Variants in NRG1 observed in about 807,000 individuals in gnomAD.
NRG1 encodes the protein pro-neuregulin-1, membrane-bound isoform.
NRG1 carries 18 observed loss-of-function variants against 63.8 expected under a neutral mutation model. The observed-to-expected ratio is 0.28, with a 90% CI of 0.19 to 0.42. NRG1 has a LOEUF of 0.42. Ranked by LOEUF, NRG1 falls within the 10% of genes least tolerant of loss-of-function variation. NRG1 has a pLI of 1.00. For synonymous variants in NRG1, 302 were observed against 301.3 expected, an observed-to-expected ratio of 1.00 and a Z score of -0.02; for missense variants, 762 against 814.7, an observed-to-expected ratio of 0.94 and a Z score of 0.79.
intron 1 of NRG1, among the ~76,000 whole-genome samples, chr8:32,561,016 TAG>T (rs1481302645): frequency 1.3e-5 from 2 of 152,174 alleles, no homozygotes; most frequent in African/African-American, 2.4e-5. Flanking sequence ...AGAAAAATCA[TAG>T]AGTGTTAGAA....
intron 1 of NRG1, among the ~76,000 whole-genome samples, chr8:31,918,794 T>C (rs1462004882): frequency 6.6e-6 from 1 of 151,918 alleles, no homozygotes; most frequent in Non-Finnish European, 1.5e-5. Context: ...TTCCTCCTTG[T>C]ACCTCTGGTA....
chr8:32,604,291 G>T (rs1036033951), intron 2 of NRG1, among the ~76,000 whole-genome samples: 2 of 152,110 alleles, frequency 1.3e-5, no homozygotes, highest in African/African-American at 4.8e-5. Flanking sequence ...GGAAGATCAG[G>T]GGGTCTACAT....
chr8:32,461,014 A>G (rs1013922766), intron 1 of NRG1, among the ~76,000 whole-genome samples: 1 of 152,190 alleles, frequency 6.6e-6, no homozygotes, highest in Admixed American at 6.5e-5. Context: ...GTGGGATGCA[A>G]GTTACTGAGA....
chr8:31,715,925 T>C (rs941265911), intron 1 of NRG1, among the ~76,000 whole-genome samples: 1 of 152,230 alleles, frequency 6.6e-6, no homozygotes, highest in Non-Finnish European at 1.5e-5. Context: ...GTCATATATA[T>C]TTAGAATTTT....
In NRG1 at chr8:32,693,608, A is replaced by G. The variant is rs541418391; in HGVS notation, c.503-34341A>G. Among the ~76,000 whole-genome samples the G allele has an allele frequency of 3.3e-5, 5 of 151,096 alleles. 1 individual carries two copies. The South Asian group carries it at 8.4e-4, about 25-fold the overall frequency. ...AGTGGCATAAAAGGCCCTGGCATGT[A>G]GAGTGTAGAACAGAGGCTCCTCCTT... On this transcript the variant is annotated intron_variant, in intron 5 of 11. Transcript: ENST00000356819.
chr8:32,573,549 A>G lies in NRG1; in HGVS notation c.101-22279A>G, dbSNP rs142790716. The stretch of plus-strand genomic sequence containing the variant: ...AATTTTTCTTTACCTGGCGTTGCTT[A>G]TGTTCTCCAGCCAGTTCTGTCTTTT... On this transcript the variant is annotated intron_variant, in intron 1 of 11. Coordinates refer to ENST00000356819, the Ensembl canonical transcript of NRG1. Among the ~76,000 whole-genome samples, 845 of 152,230 alleles carry G rather than the reference A, an allele frequency of 5.6e-3. 3 individuals carry two copies. Among genetic ancestry groups the G allele is most frequent in the Middle Eastern group, 0.027 (8 of 294 alleles).
intron 1 of NRG1, among the ~76,000 whole-genome samples, chr8:32,444,690 A>C (rs192416912): frequency 6.4e-4 from 98 of 152,318 alleles, no homozygotes; most frequent in African/African-American, 2.1e-3. Context: ...TCAATGCCAC[A>C]ATGAGGAACA....
chr8:32,592,549 A>G (rs909357063), intron 1 of NRG1, among the ~76,000 whole-genome samples: 1 of 152,164 alleles, frequency 6.6e-6, no homozygotes, highest in African/African-American at 2.4e-5. Flanking sequence ...CATGTTTGAA[A>G]TCAAAACCCC....
chr8:32,671,086 T>G (rs984048836), intron 5 of NRG1, among the ~76,000 whole-genome samples: 1 of 151,770 alleles, frequency 6.6e-6, no homozygotes, highest in Admixed American at 6.6e-5. Context: ...ATTATTATTC[T>G]TTTTCTCAAG....
chr8:32,473,646 A>C (rs1477318837), intron 1 of NRG1, among the ~76,000 whole-genome samples: 1 of 152,158 alleles, frequency 6.6e-6, no homozygotes, highest in Non-Finnish European at 1.5e-5. Context: ...GACTTAAATC[A>C]ACCCTGGGCT....
intron 1 of NRG1, among the ~76,000 whole-genome samples, chr8:32,435,091 G>A (rs773819604): frequency 8.5e-5 from 13 of 152,138 alleles, no homozygotes; most frequent in Non-Finnish European, 1.8e-4. Context: ...CTATGGTTTA[G>A]TCTAATTGTT....
At chr8:32,550,621 A>T (rs149877443) in intron 1 of NRG1, among the ~76,000 whole-genome samples, 1 of 152,292 alleles carries the variant, frequency 6.6e-6, no homozygotes, top group African/African-American at 2.4e-5. Flanking sequence ...TAACACAGCA[A>T]CTTGACAAGT....
intron 1 of NRG1, among the ~76,000 whole-genome samples, chr8:32,193,234 G>A (rs1842660199): frequency 6.6e-6 from 1 of 152,094 alleles, no homozygotes; most frequent in Non-Finnish European, 1.5e-5. Context: ...AGTGAACACA[G>A]TGCAGCAGTA....
At position 32,640,279 on chromosome 8, in the gene NRG1, G is replaced by GCACA. The variant is rs531313703; in HGVS notation, c.502+23400_502+23403dup. 1.0e-3 allele frequency among the ~76,000 whole-genome samples: 84 copies of GCACA among 81,394 alleles called. 1 individual carries two copies. In the South Asian group the frequency reaches 0.015, roughly 14 times the overall value. The allele number at this position is 81,394 out of a possible 152,430, so 53.4% of individuals were successfully genotyped here. ...CACACACACACACACACACACGCAC[G>GCACA]CACACACACCACACAGTAATTTAAC... On this transcript the variant is annotated intron_variant, in intron 5 of 11. Coordinates refer to ENST00000356819, the Ensembl canonical transcript of NRG1.
intron 7 of NRG1, 89 bp from the exon 8 acceptor site, chr8:32,754,283 A>G (rs1319328679): frequency 2.5e-5 from 26 of 1,051,454 alleles, no homozygotes; most frequent in East Asian, 2.4e-4. Flanking sequence ...AACATGGACA[A>G]TGTCATGCAG....
intron 1 of NRG1, among the ~76,000 whole-genome samples, chr8:32,044,998 A>G (rs986664599): frequency 2.0e-5 from 3 of 151,442 alleles, no homozygotes; most frequent in African/African-American, 7.3e-5. Flanking sequence ...CTGAAATCAG[A>G]AAAACAGTAG....
chr8:32,571,674 CT>C (rs1299522521), intron 1 of NRG1, among the ~76,000 whole-genome samples: 1 of 152,166 alleles, frequency 6.6e-6, no homozygotes, highest in Non-Finnish European at 1.5e-5. Flanking sequence ...CTCCATTCCT[CT>C]TGCCATTACT....
At chr8:32,607,030 T>G (rs979793651) in intron 3 of NRG1, among the ~76,000 whole-genome samples, 4 of 152,178 alleles carry the variant, frequency 2.6e-5, no homozygotes, top group African/African-American at 4.8e-5. Flanking sequence ...TTTATCACTT[T>G]CATTTTAAAT....
At chr8:32,528,576 T>G (rs1831124304) in intron 1 of NRG1, among the ~76,000 whole-genome samples, 1 of 152,226 alleles carries the variant, frequency 6.6e-6, no homozygotes. Flanking sequence ...TTCTTTTTCA[T>G]CTTTACTCTT....
Sources: gnomAD v4.1 joint callset for allele counts (sites outside exome capture counted in the v4.1 genomes callset) on GRCh38, gnomAD v4.1.1 for gene constraint, MANE v1.5 for transcripts, NCBI Gene and HGNC (gene_info 2026-07-23, HGNC 2026-07-21) for gene names.